GPR55: variants seen among roughly 807,000 people sequenced by gnomAD.
The protein encoded by GPR55 is G protein-coupled receptor 55, also known as G-protein coupled receptor 55.
Under a neutral mutation model 7.9 loss-of-function variants are expected in GPR55, and 6 were observed. The observed-to-expected ratio is 0.76, with a 90% CI of 0.41 to 1.49. The LOEUF is 1.49. Among genes scored for constraint, GPR55 ranks in the 40% most tolerant of loss-of-function variants. GPR55 has a pLI of 0.01. For missense variants in GPR55, 376 were observed against 406.0 expected, an observed-to-expected ratio of 0.93 and a Z score of 0.63; for synonymous variants, 183 against 166.8, an observed-to-expected ratio of 1.10 and a Z score of -0.75.
At chr2:230,955,715 GTTTT>G in intron 1 of GPR55, among the ~76,000 whole-genome samples, 1 of 42,030 alleles carries the variant, frequency 2.4e-5, no homozygotes, top group East Asian at 1.3e-3. Context: ...GTGTCTTTTT[GTTTT>G]GTTTTGTTTT....
rs1690879860 is a variant in GPR55 at position 230,923,364 on chromosome 2, A to G, written c.-135+1804T>C. 6.6e-6 allele frequency among the ~76,000 whole-genome samples: 1 copy of G among 152,240 alleles called. No homozygotes were observed. Among genetic ancestry groups the G allele is most frequent in the South Asian group, 2.1e-4 (1 of 4,826 alleles). The stretch of plus-strand genomic sequence containing the variant: ...AGATGGCAGGGCCAGAGCCTAAAAA[A>G]GCAGCATTGGCACAGCCGCAGGGAT... On this transcript the variant is annotated intron_variant, in intron 1 of 1. Coordinates refer to ENST00000650999, the MANE Select transcript of GPR55 (RefSeq NM_005683.4). The surrounding 1 kb of genome is among the most constrained non-coding windows in gnomAD (Gnocchi z 4.1).
At chr2:230,916,483 C>T (rs1375358070) in intron 1 of GPR55, among the ~76,000 whole-genome samples, 1 of 151,738 alleles carries the variant, frequency 6.6e-6, no homozygotes, top group Non-Finnish European at 1.5e-5. Context: ...ATGATCGTGC[C>T]ACTGCACTCC....
intron 1 of GPR55, among the ~76,000 whole-genome samples, chr2:230,945,233 G>GT (rs985191516): frequency 2.3e-4 from 35 of 152,212 alleles, no homozygotes; most frequent in African/African-American, 8.0e-4. Flanking sequence ...TGGGTGGCGA[G>GT]TGTGTGGTTG....
At chr2:230,936,844 C>A (rs1346765410) in intron 1 of GPR55, among the ~76,000 whole-genome samples, 1 of 152,150 alleles carries the variant, frequency 6.6e-6, no homozygotes, top group Non-Finnish European at 1.5e-5. Flanking sequence ...TTGTCAAAAG[C>A]TGACTAAGTT....
chr2:230,939,174 C>T (rs1050151065), intron 1 of GPR55, among the ~76,000 whole-genome samples: 2 of 152,202 alleles, frequency 1.3e-5, no homozygotes, highest in East Asian at 3.8e-4. Flanking sequence ...CAGCTTTGCC[C>T]CCAGCAGGCA....
intron 1 of GPR55, among the ~76,000 whole-genome samples, chr2:230,954,182 T>C (rs1454991665): frequency 1.3e-5 from 2 of 152,234 alleles, no homozygotes; most frequent in African/African-American, 4.8e-5. Flanking sequence ...CAGCTGCCCC[T>C]GGCATCAGGT....
intron 1 of GPR55, chr2:230,957,733 A>AC (rs1287635951): frequency 1.8e-6 from 1 of 550,462 alleles, no homozygotes; most frequent in Non-Finnish European, 3.7e-6. Context: ...CTGGCTTTGG[A>AC]CTTTTTTTTT....
intron 1 of GPR55, among the ~76,000 whole-genome samples, chr2:230,941,853 C>T (rs1691238963): frequency 6.6e-6 from 1 of 152,202 alleles, no homozygotes; most frequent in Admixed American, 6.5e-5. Flanking sequence ...TGTTTGATAT[C>T]TATTTGCATC....
upstream of GPR55, among the ~76,000 whole-genome samples, chr2:230,925,734 G>T (rs909923946): frequency 2.0e-5 from 3 of 152,194 alleles, no homozygotes; most frequent in African/African-American, 7.2e-5. Flanking sequence ...GGACTTGCGT[G>T]CCTAGCGTCG....
chr2:230,953,722 CA>C (rs1287904292), intron 1 of GPR55, among the ~76,000 whole-genome samples: 1 of 152,232 alleles, frequency 6.6e-6, no homozygotes, highest in East Asian at 1.9e-4. Context: ...AAACCCTGTA[CA>C]TCCTGTGTCC....
chr2:230,935,082 G>GT (rs1387012454), intron 1 of GPR55, among the ~76,000 whole-genome samples: 4 of 152,184 alleles, frequency 2.6e-5, no homozygotes, highest in African/African-American at 9.7e-5. Flanking sequence ...AACGCCTGGG[G>GT]TGGGGGGCAC....
chr2:230,943,748 G>T (rs893745699), intron 1 of GPR55, among the ~76,000 whole-genome samples: 2 of 152,108 alleles, frequency 1.3e-5, no homozygotes, highest in East Asian at 1.9e-4. Flanking sequence ...GTTCCTTCTT[G>T]CGAGATCTGG....
intron 1 of GPR55, among the ~76,000 whole-genome samples, chr2:230,913,702 C>T (rs1006763815): frequency 6.6e-6 from 1 of 152,096 alleles, no homozygotes; most frequent in Non-Finnish European, 1.5e-5. Context: ...GCTGAAATGG[C>T]CACAGGCCTA....
At chr2:230,925,958 C>G (rs562103005), upstream of GPR55, among the ~76,000 whole-genome samples, 2 of 152,126 alleles carry the variant, frequency 1.3e-5, no homozygotes, top group Non-Finnish European at 2.9e-5. Flanking sequence ...CTGGGTGGCT[C>G]TTAGCTGGGA....
intron 1 of GPR55, among the ~76,000 whole-genome samples, chr2:230,953,871 C>T (rs1243234132): frequency 6.6e-6 from 1 of 152,188 alleles, no homozygotes; most frequent in South Asian, 2.1e-4. Context: ...AGTCTGCACA[C>T]GGCCAGGAGA....
intron 1 of GPR55, among the ~76,000 whole-genome samples, chr2:230,958,981 A>G (rs1019383354): frequency 2.0e-5 from 3 of 152,114 alleles, no homozygotes; most frequent in African/African-American, 4.8e-5. Context: ...AGCAGCAGGA[A>G]CTCTCCCACT....
chr2:230,942,238 G>A (rs898579353), intron 1 of GPR55, among the ~76,000 whole-genome samples: 1 of 152,222 alleles, frequency 6.6e-6, no homozygotes, highest in African/African-American at 2.4e-5. Context: ...AATGCCAGAA[G>A]ATCACAGAAA....
At chr2:230,912,282 A>G (rs1324778712) in intron 1 of GPR55, among the ~76,000 whole-genome samples, 1 of 151,748 alleles carries the variant, frequency 6.6e-6, no homozygotes, top group Non-Finnish European at 1.5e-5. Context: ...CGTGAGACCC[A>G]CCTTCCTGTG....
upstream of GPR55, among the ~76,000 whole-genome samples, chr2:230,926,142 G>C (rs903942178): frequency 2.6e-5 from 4 of 152,316 alleles, no homozygotes; most frequent in African/African-American, 9.6e-5. Context: ...AACTACTCCT[G>C]GGTTTTTTGG....
Sources: gnomAD v4.1 joint callset for allele counts (sites outside exome capture counted in the v4.1 genomes callset) on GRCh38, gnomAD v4.1.1 for gene constraint, Gnocchi (gnomAD v3.1) non-coding constraint, MANE v1.5 for transcripts, NCBI Gene and HGNC (gene_info 2026-07-23, HGNC 2026-07-21) for gene names.